MEGF11: variants seen among roughly 807,000 people sequenced by gnomAD.
MEGF11 encodes multiple epidermal growth factor-like domains protein 11.
A neutral mutation model predicts 146.6 loss-of-function variants in MEGF11; 126 were observed. That is an observed-to-expected ratio of 0.86 (90% confidence interval 0.74 to 1.00). MEGF11 has a LOEUF of 1.00. MEGF11 is among the 50% of genes least tolerant of loss of function. MEGF11 has a pLI of 0.00. For missense variants in MEGF11, 1,509 were observed against 1,521.2 expected (o/e 0.99, Z 0.13); for synonymous variants, 532 against 583.4 (o/e 0.91, Z 1.27).
At chr15:65,956,209 A>G (rs748523450) in intron 10 of MEGF11, among the ~76,000 whole-genome samples, 6 of 152,198 alleles carry the variant, frequency 3.9e-5, no homozygotes, top group South Asian at 4.1e-4. Flanking sequence ...GTTGAGACCC[A>G]TGGCTACATA....
intron 4 of MEGF11, among the ~76,000 whole-genome samples, chr15:66,116,981 C>T (rs1231781170): frequency 6.6e-6 from 1 of 152,244 alleles, no homozygotes; most frequent in Non-Finnish European, 1.5e-5. Context: ...AGTTCTGCCA[C>T]TTTCCAGATG....
intron 2 of MEGF11, among the ~76,000 whole-genome samples, chr15:66,127,747 C>T (rs546375342): frequency 6.6e-5 from 10 of 152,278 alleles, no homozygotes; most frequent in South Asian, 2.1e-4. Flanking sequence ...CAGGACCTAG[C>T]GCCGCAGCTG....
intron 4 of MEGF11, among the ~76,000 whole-genome samples, chr15:66,099,033 T>A (rs2086666358): frequency 6.6e-6 from 1 of 152,068 alleles, no homozygotes; most frequent in African/African-American, 2.4e-5. Flanking sequence ...CTTCCATATA[T>A]GAAGAGACAA....
intron 5 of MEGF11, among the ~76,000 whole-genome samples, chr15:66,089,207 G>A (rs2086228445): frequency 6.6e-6 from 1 of 152,240 alleles, no homozygotes; most frequent in Non-Finnish European, 1.5e-5. Flanking sequence ...GGACTTGGCA[G>A]AAGCTACAGC....
At chr15:65,952,125 A>C (rs546224026) in intron 10 of MEGF11, among the ~76,000 whole-genome samples, 4 of 152,322 alleles carry the variant, frequency 2.6e-5, no homozygotes, top group East Asian at 3.9e-4. Flanking sequence ...TACATACAGA[A>C]TTCAGTACTG....
chr15:66,163,385 C>T (rs1380322909), intron 1 of MEGF11, among the ~76,000 whole-genome samples: 1 of 152,110 alleles, frequency 6.6e-6, no homozygotes, highest in East Asian at 1.9e-4. Context: ...CCGATTTCAG[C>T]TTGGGAGAAG....
intron 1 of MEGF11, among the ~76,000 whole-genome samples, chr15:66,213,419 G>T (rs909837113): frequency 2.0e-5 from 3 of 152,092 alleles, no homozygotes; most frequent in Non-Finnish European, 4.4e-5. Flanking sequence ...TCTTCCAGAC[G>T]GTAAGGACAC....
chr15:66,003,661 C>T lies in MEGF11; in HGVS notation c.395-21173G>A, dbSNP rs2082432189. Among the ~76,000 whole-genome samples, 5 of 152,236 alleles carry T rather than the reference C, an allele frequency of 3.3e-5. No individual in the cohort carries two copies. In the South Asian group the frequency reaches 1.0e-3, roughly 32 times the overall value. ...ACCCCAGAATGGTCTTTCCAAATGA[C>T]TAATCTGGTGAGGTCACTGCCCTGC... On this transcript the variant is annotated intron_variant, in intron 5 of 25. Coordinates refer to ENST00000395614, the MANE Select transcript of MEGF11 (RefSeq NM_001385028.1).
intron 1 of MEGF11, among the ~76,000 whole-genome samples, chr15:66,149,708 G>A (rs2089495028): frequency 6.6e-6 from 1 of 152,216 alleles, no homozygotes; most frequent in African/African-American, 2.4e-5. Context: ...TCAACAAAAA[G>A]AGGGAGGGAG....
At chr15:66,077,858 G>A (rs751134634) in intron 5 of MEGF11, among the ~76,000 whole-genome samples, 130 of 152,332 alleles carry the variant, frequency 8.5e-4, no homozygotes, top group Non-Finnish European at 1.7e-3. Context: ...GTGGATGAAA[G>A]AGGGCAAGGG....
At chr15:66,006,679 C>A (rs2082530220) in intron 5 of MEGF11, among the ~76,000 whole-genome samples, 1 of 152,206 alleles carries the variant, frequency 6.6e-6, no homozygotes. Flanking sequence ...CTTTTTGTTC[C>A]AGTCTATATC....
chr15:66,238,698 CT>C (rs1174358621), intron 1 of MEGF11, among the ~76,000 whole-genome samples: 2 of 152,226 alleles, frequency 1.3e-5, no homozygotes, highest in African/African-American at 4.8e-5. Context: ...GGTGTCTCCC[CT>C]AGATATCAGC....
intron 1 of MEGF11, among the ~76,000 whole-genome samples, chr15:66,163,590 C>T (rs558988855): frequency 6.6e-6 from 1 of 152,326 alleles, no homozygotes; most frequent in African/African-American, 2.4e-5. Flanking sequence ...GTCCCCTCAG[C>T]TCACAGCTGC....
intron 5 of MEGF11, among the ~76,000 whole-genome samples, chr15:66,079,546 C>CCA (rs1294158753): frequency 4.7e-5 from 7 of 150,060 alleles, no homozygotes; most frequent in Admixed American, 3.3e-4. Flanking sequence ...CACCCCCCCC[C>CCA]CCAGCACCCC....
At chr15:65,946,543 C>T (rs145025273) in intron 10 of MEGF11, among the ~76,000 whole-genome samples, 4,172 of 152,284 alleles carry the variant, frequency 0.027, 87 homozygotes, top group South Asian at 0.044. Context: ...CTGGCACCCA[C>T]CACCATGCCC....
At chr15:65,900,390 C>T (rs998764221) in intron 24 of MEGF11, among the ~76,000 whole-genome samples, 11 of 152,216 alleles carry the variant, frequency 7.2e-5, no homozygotes, top group African/African-American at 1.9e-4. Flanking sequence ...GCAGAACACT[C>T]CGTATGGCTG....
chr15:66,210,591 A>C (rs1251281405), intron 1 of MEGF11, among the ~76,000 whole-genome samples: 2 of 152,220 alleles, frequency 1.3e-5, no homozygotes, highest in Non-Finnish European at 2.9e-5. Context: ...ATTCTGGGTA[A>C]GGAAGCATGG....
intron 1 of MEGF11, among the ~76,000 whole-genome samples, chr15:66,191,362 G>A (rs998235590): frequency 5.3e-5 from 8 of 152,146 alleles, no homozygotes; most frequent in Non-Finnish European, 1.2e-4. Flanking sequence ...TCTATACAGG[G>A]GTTTCAATGG....
intron 5 of MEGF11, among the ~76,000 whole-genome samples, chr15:66,032,458 T>C (rs781428106): frequency 7.2e-5 from 11 of 152,150 alleles, no homozygotes; most frequent in South Asian, 4.1e-4. Context: ...GCATTAAGGG[T>C]GATCCTGGTG....
Sources: gnomAD v4.1 joint callset for allele counts (sites outside exome capture counted in the v4.1 genomes callset) on GRCh38, gnomAD v4.1.1 for gene constraint, MANE v1.5 for transcripts, NCBI Gene and HGNC (gene_info 2026-07-23, HGNC 2026-07-21) for gene names.